The following ZNF607 variants were observed in gnomAD, a reference collection of about 807,000 sequenced individuals.
ZNF607 encodes the protein zinc finger protein 607.
In ZNF607, 5 loss-of-function variants were observed where a neutral mutation model predicts 12.8. The observed-to-expected ratio is 0.39, with a 90% CI of 0.20 to 0.82. ZNF607 has a LOEUF of 0.82. ZNF607 is among the 40% of genes least tolerant of loss of function. ZNF607 has a pLI of 0.39. For synonymous variants in ZNF607, 287 were observed against 276.2 expected, an observed-to-expected ratio of 1.04 and a Z score of -0.39; for missense variants, 851 against 859.2, an observed-to-expected ratio of 0.99 and a Z score of 0.12.
At chr19:37,709,904 C>G in intron 2 of ZNF607, 82 bp from the exon 3 acceptor site, 1 of 1,517,362 alleles carries the variant, frequency 6.6e-7, no homozygotes, top group East Asian at 2.3e-5. Context: ...CGCCTGTAAT[C>G]CCAGCACTTT....
chr19:37,696,699 G>A lies in ZNF607; in HGVS notation c.*1341C>T, dbSNP rs1232743307. The A allele has an allele frequency of 1.6e-5, 12 of 772,890 alleles. No individual in the cohort carries two copies. The highest frequency in any genetic ancestry group is 2.7e-5 in the Non-Finnish European group (12 of 440,158). The allele number at this position is 772,890 out of a possible 1,614,324, so 47.9% of individuals were successfully genotyped here. ...GAGAGCATGAGAGCTGGTATGCAATGTCTTCTGCAGCTTCCAGCTTGCACA... is the reference window on the plus strand; with the variant it reads ...GAGAGCATGAGAGCTGGTATGCAATATCTTCTGCAGCTTCCAGCTTGCACA... On this transcript the variant is annotated 3_prime_UTR_variant, in exon 5 of 5. Transcript: ENST00000355202.
chr19:37,699,243 A>G lies in ZNF607; in HGVS notation c.888T>C (p.Leu296=), dbSNP rs754860868. The G allele has an allele frequency of 1.9e-5, 31 of 1,613,950 alleles. 1 individual carries two copies. The Admixed American group carries it at 4.7e-4, about 24-fold the overall frequency. Residue 296 remains leucine (L), a synonymous_variant, in exon 5 of 5, where the codon CTT becomes CTC. Coordinates refer to ENST00000355202, the MANE Select transcript of ZNF607 (RefSeq NM_032689.5). The stretch of plus-strand genomic sequence containing the variant: ...CAGTATGAATTCTTTTATGACCCAC[A>G]AGGTGGGAAAACTGACGAAAGGCCT... The part of the protein sequence containing the change: ...CGKAFRQFSH[L]VGHKRIHTGE...
chr19:37,706,902 T>C (rs1035938546), intron 4 of ZNF607, among the ~76,000 whole-genome samples: 1 of 151,958 alleles, frequency 6.6e-6, no homozygotes, highest in Admixed American at 6.6e-5. Flanking sequence ...CTCAGCTCAC[T>C]GCAACCTCTG....
chr19:37,706,772 C>A (rs1599665310), intron 4 of ZNF607, among the ~76,000 whole-genome samples: 1 of 152,140 alleles, frequency 6.6e-6, no homozygotes, highest in African/African-American at 2.4e-5. Flanking sequence ...CTCACTGCAA[C>A]CTCTACTTCC....
At position 37,709,727 on chromosome 19, in the gene ZNF607, C is replaced by T; in HGVS notation, c.105G>A (p.Met35Ile). 1 of 1,614,006 alleles carries T rather than the reference C, an allele frequency of 6.2e-7. No individual in the cohort carries two copies. Among genetic ancestry groups the T allele is most frequent in the Non-Finnish European group, 8.5e-7 (1 of 1,179,894 alleles). ...AGACTAAGTTGTCATAGTTCTCCAT[C>T]ATCACCTCCTGGTACAAGGTCTTCT... The part of the protein sequence containing the change: ...LVQKTLYQEV[M>I]MENYDNLVSL... The change falls in exon 3 of 5, where the codon ATG becomes ATA. Residue 35 changes from methionine to isoleucine, a missense_variant. Met to Ile is a conservative substitution (Grantham distance 10, BLOSUM62 1). Transcript: ENST00000355202.
chr19:37,702,415 T>C (rs2045047427), intron 4 of ZNF607, among the ~76,000 whole-genome samples: 1 of 150,300 alleles, frequency 6.7e-6, no homozygotes, highest in Admixed American at 6.6e-5. Context: ...TCTCAGGAAA[T>C]AGCAATTGAA....
rs1429924151 is a variant in ZNF607, at chr19:37,699,718, C to T, written c.413G>A (p.Ser138Asn). 6.2e-7 allele frequency: 1 copy of T among 1,614,068 alleles called. No homozygotes were observed. The highest frequency in any genetic ancestry group is 8.5e-7 in the Non-Finnish European group (1 of 1,180,000). Reference sequence around the variant, plus strand: ...CTTTTCACATTGATCAGGTTCCTCACTAGTATGAATTGTTTGATGTACCAT... The same window carrying T: ...CTTTTCACATTGATCAGGTTCCTCATTAGTATGAATTGTTTGATGTACCAT... ...ELMVHQTIHT[S>N]EEPDQCEKFR... The change falls in exon 5 of 5, where the codon AGT becomes AAT. Residue 138 changes from serine (S) to asparagine (N), a missense_variant. Transcript: ENST00000355202.
intron 4 of ZNF607, 129 bp from the exon 5 acceptor site, chr19:37,700,024 GGA>G (rs2045025950): frequency 2.2e-6 from 2 of 914,640 alleles, no homozygotes; most frequent in South Asian, 3.9e-5. Context: ...AAAAATGAAA[GGA>G]GAGCTAAAAA....
rs1288193099 is a variant in ZNF607, at chr19:37,699,056, C to G, written c.1075G>C (p.Glu359Gln). The change falls in exon 5 of 5, where the codon GAA becomes CAA. Residue 359 changes from glutamate (E) to glutamine (Q), a missense_variant. Glu to Gln is a conservative substitution (Grantham distance 29, BLOSUM62 2). Coordinates refer to ENST00000355202, the MANE Select transcript of ZNF607 (RefSeq NM_032689.5). ...GHQLTAPHTF[E>Q]SVEKPYKCEE... ...CACTTATAAGGTTTCTCAACACTTT[C>G]AAATGTATGAGGTGCAGTAAGTTGA... is the stretch of plus-strand genomic sequence containing the variant. The G allele has an allele frequency of 1.9e-6, 3 of 1,614,022 alleles. No homozygotes were observed. The Admixed American group carries it at 5.0e-5, about 27-fold the overall frequency.
At chr19:37,713,347 G>A (rs2909098) in intron 1 of ZNF607, among the ~76,000 whole-genome samples, 113,589 of 151,916 alleles carry the variant, frequency 0.75, 43,125 homozygotes, top group Middle Eastern at 0.83. Flanking sequence ...AAGTATTTCA[G>A]AGGAAGCAAC....
Position 37,697,446 on chromosome 19 carries a change from C to T in ZNF607, c.*594G>A, listed in dbSNP as rs73621573. 5.0e-3 allele frequency: 3,889 copies of T among 779,736 alleles called. 92 individuals are homozygous for T. The African/African-American group carries it at 0.059, about 12-fold the overall frequency. The allele number at this position is 779,736 out of a possible 1,614,324, so 48.3% of individuals were successfully genotyped here. On this transcript the variant is annotated 3_prime_UTR_variant, in exon 5 of 5. Coordinates refer to ENST00000355202, the MANE Select transcript of ZNF607 (RefSeq NM_032689.5). ...CTCTCACACCTGCTTCCACTCTGAC[C>T]TCCACATCTAACTCATGTAATTCTA...
chr19:37,712,067 C>A (rs2045138098), intron 1 of ZNF607, among the ~76,000 whole-genome samples: 1 of 152,184 alleles, frequency 6.6e-6, no homozygotes, highest in Admixed American at 6.6e-5. Flanking sequence ...ATCATCCATA[C>A]CAGAACCTCT....
intron 4 of ZNF607, among the ~76,000 whole-genome samples, chr19:37,703,130 T>G (rs1300562667): frequency 3.9e-5 from 6 of 151,930 alleles, no homozygotes; most frequent in Non-Finnish European, 8.8e-5. Flanking sequence ...TTTTGTATTT[T>G]TAGTAGAGAC....
chr19:37,707,954 T>C lies in ZNF607; in HGVS notation c.195A>G (p.Pro65=), dbSNP rs538807741. The part of the protein sequence containing the change: ...LITLLEQGKE[P]WMIVREETRG... ...TTGTTTCTTCCCTCACAATCATCCATGGCTCTTTTCCTTGCTCCAATAAGG... is the reference window on the plus strand; with the variant it reads ...TTGTTTCTTCCCTCACAATCATCCACGGCTCTTTTCCTTGCTCCAATAAGG... The change falls in exon 4 of 5, where the codon CCA becomes CCG. Residue 65 remains proline (P), a synonymous_variant. Transcript: ENST00000355202. 1.2e-6 allele frequency: 2 copies of C among 1,614,110 alleles called. No homozygotes were observed. The highest frequency in any genetic ancestry group is 1.1e-5 in the South Asian group (1 of 91,078).
chr19:37,709,594 T>C (rs2045114332), intron 3 of ZNF607, 102 bp downstream of exon 3: 2 of 1,340,092 alleles, frequency 1.5e-6, no homozygotes, highest in Non-Finnish European at 2.0e-6. Flanking sequence ...ATAAATTTAG[T>C]TTCTTAAAAG....
intron 4 of ZNF607, among the ~76,000 whole-genome samples, chr19:37,704,794 A>C (rs2045066779): frequency 1.3e-5 from 2 of 150,918 alleles, no homozygotes; most frequent in South Asian, 4.2e-4. Context: ...CGTCTCTACT[A>C]AAAATACAAA....
At chr19:37,712,843 G>A (rs533392832) in intron 1 of ZNF607, among the ~76,000 whole-genome samples, 2 of 152,184 alleles carry the variant, frequency 1.3e-5, no homozygotes, top group South Asian at 4.1e-4. Flanking sequence ...CTTATCTTCT[G>A]TGGGTTCCTT....
Position 37,699,847 on chromosome 19 carries a change from T to C in ZNF607, c.284A>G (p.Tyr95Cys). Residue 95 changes from tyrosine (Y) to cysteine (C), a missense_variant, in exon 5 of 5, where the codon TAT becomes TGT. Transcript: ENST00000355202. The stretch of plus-strand genomic sequence containing the variant: ...GAGAGTAACACATGAGTGTTTCCTA[T>C]AAAGCTGCATTTTCCCATCGCTGAT... ...EIISDGKMQL[Y>C]RKHSCVTLHQ... 2 of 1,606,950 alleles carry C rather than the reference T, an allele frequency of 1.2e-6. No individual in the cohort carries two copies. Among genetic ancestry groups the C allele is most frequent in the East Asian group, 2.2e-5 (1 of 44,804 alleles).
At chr19:37,700,516 T>C (rs1343503497) in intron 4 of ZNF607, among the ~76,000 whole-genome samples, 1 of 152,170 alleles carries the variant, frequency 6.6e-6, no homozygotes, top group Non-Finnish European at 1.5e-5. Flanking sequence ...CATTGAAGAA[T>C]GATCAGGTTT....
Sources: allele counts gnomAD v4.1 joint callset (sites outside exome capture counted in the v4.1 genomes callset), GRCh38; gene constraint gnomAD v4.1.1; transcripts MANE v1.5; gene names NCBI Gene and HGNC (gene_info 2026-07-23, HGNC 2026-07-21).